NDUFAF5: variants seen among roughly 807,000 people sequenced by gnomAD.
NDUFAF5 encodes the protein NADH:ubiquinone oxidoreductase complex assembly factor 5.
NDUFAF5 carries 34 observed loss-of-function variants against 48.9 expected under a neutral mutation model. The ratio of observed to expected loss-of-function variants is 0.70; its 90% CI spans 0.53 to 0.93. The LOEUF (loss-of-function observed/expected upper bound fraction) is 0.93, where lower values mean the gene tolerates loss of function less well. Among genes scored for constraint, NDUFAF5 ranks in the 40% least tolerant of loss-of-function variants. NDUFAF5 has a pLI of 0.00. For missense variants in NDUFAF5, 428 were observed against 427.5 expected, an observed-to-expected ratio of 1.00 and a Z score of -0.01; for synonymous variants, 153 against 150.6, an observed-to-expected ratio of 1.02 and a Z score of -0.12.
chr20:13,802,470 A>AC (rs1416436920), intron 7 of NDUFAF5, among the ~76,000 whole-genome samples: 1 of 152,054 alleles, frequency 6.6e-6, no homozygotes, highest in African/African-American at 2.4e-5. Flanking sequence ...GGAGTTTGAA[A>AC]CCAACTTGGC....
At chr20:13,794,981 G>C in intron 5 of NDUFAF5, 40 bp downstream of exon 5, 1 of 1,371,492 alleles carries the variant, frequency 7.3e-7, no homozygotes, top group South Asian at 1.2e-5. Context: ...GTTATAAACA[G>C]ATCATTCTTG....
At chr20:13,805,281 T>C (rs8123439) in intron 7 of NDUFAF5, among the ~76,000 whole-genome samples, 6,019 of 152,186 alleles carry the variant, frequency 0.04, 184 homozygotes, top group African/African-American at 0.081. Context: ...ACGAAAAAAA[T>C]GGGATTTCTG....
intron 9 of NDUFAF5, 36 bp from the exon 10 acceptor site, chr20:13,816,839 C>G (rs151070257): frequency 6.8e-7 from 1 of 1,465,826 alleles, no homozygotes; most frequent in African/African-American, 1.4e-5. Context: ...TTCCTACTTG[C>G]ATTTTTTCAG....
intron 5 of NDUFAF5, among the ~76,000 whole-genome samples, chr20:13,795,915 T>C (rs530295338): frequency 6.6e-6 from 1 of 152,342 alleles, no homozygotes; most frequent in African/African-American, 2.4e-5. Flanking sequence ...TACACAAACA[T>C]GTAATGCAAG....
intron 3 of NDUFAF5, among the ~76,000 whole-genome samples, chr20:13,791,130 G>A (rs575110789): frequency 1.2e-4 from 18 of 152,282 alleles, no homozygotes; most frequent in African/African-American, 3.8e-4. Context: ...CAAGGAGCAC[G>A]GGATCATTCC....
chr20:13,792,136 TGAGAGACAGGGATA>T (rs1982382163), intron 3 of NDUFAF5, among the ~76,000 whole-genome samples: 1 of 152,204 alleles, frequency 6.6e-6, no homozygotes, highest in African/African-American at 2.4e-5. Flanking sequence ...AATTTTCAAG[TGAGAGACAGGGATA>T]GATAATCCTG....
intron 5 of NDUFAF5, among the ~76,000 whole-genome samples, chr20:13,796,157 A>G (rs1202805275): frequency 6.6e-6 from 1 of 152,204 alleles, no homozygotes; most frequent in East Asian, 1.9e-4. Flanking sequence ...CCAGTCATCA[A>G]GGTGTGCCCA....
At position 13,794,494 on chromosome 20, in the gene NDUFAF5, G is replaced by C. The variant is rs1982857062; in HGVS notation, c.376-344G>C. On this transcript the variant is annotated intron_variant, in intron 4 of 10. Transcript: ENST00000378106. ...GTGGTTTCACCATGTTGGCCAGGCT[G>C]GTCTCGAACTCCTGACTTTCAGTGA... 2.0e-5 allele frequency among the ~76,000 whole-genome samples: 3 copies of C among 152,270 alleles called. No homozygotes were observed. In the South Asian group the frequency reaches 6.2e-4, roughly 32 times the overall value.
intron 3 of NDUFAF5, among the ~76,000 whole-genome samples, chr20:13,789,353 T>G (rs1981836264): frequency 6.6e-6 from 1 of 152,040 alleles, no homozygotes; most frequent in South Asian, 2.1e-4. Flanking sequence ...TTGGTAGAGA[T>G]GGGGTTTCAC....
intron 3 of NDUFAF5, among the ~76,000 whole-genome samples, chr20:13,789,780 A>G (rs1282799185): frequency 6.6e-6 from 1 of 152,158 alleles, no homozygotes; most frequent in East Asian, 1.9e-4. Context: ...CCAGCCTCAT[A>G]AAGTGGAATT....
intron 3 of NDUFAF5, 160 bp from the exon 4 acceptor site, chr20:13,793,020 A>G: frequency 1.4e-6 from 1 of 728,920 alleles, no homozygotes; most frequent in Non-Finnish European, 2.4e-6. Context: ...AGCAAAGGAT[A>G]TGTGTTATTA....
Position 13,816,875 on chromosome 20 carries a change from A to G in NDUFAF5, c.863A>G (p.Glu288Gly). 1 of 1,600,792 alleles carries G rather than the reference A, an allele frequency of 6.2e-7. No homozygotes were observed. The highest frequency in any genetic ancestry group is 1.1e-5 in the South Asian group (1 of 90,784). ...TMLAAAAVYR[E>G]MYRNEDGSVP... is the part of the protein sequence containing the mutation. ...ACTTTAACCATTATTGTCTTTTTAGAAATGTACAGAAATGAAGATGGTTCA... is the reference window on the plus strand; with the variant it reads ...ACTTTAACCATTATTGTCTTTTTAGGAATGTACAGAAATGAAGATGGTTCA... Residue 288 changes from glutamate (E) to glycine (G), a missense_variant and splice_region_variant, in exon 10 of 11, where the codon GAA becomes GGA. By Grantham distance (98) the Glu-to-Gly change is moderately conservative. Coordinates refer to ENST00000378106, the MANE Select transcript of NDUFAF5 (RefSeq NM_024120.5).
chr20:13,789,432 T>C (rs1056736117), intron 3 of NDUFAF5, among the ~76,000 whole-genome samples: 1 of 151,936 alleles, frequency 6.6e-6, no homozygotes, highest in Non-Finnish European at 1.5e-5. Flanking sequence ...CCCAAAGCGC[T>C]GGGATGACAG....
chr20:13,801,173 A>T (rs961906300), intron 6 of NDUFAF5, among the ~76,000 whole-genome samples: 2 of 151,540 alleles, frequency 1.3e-5, no homozygotes, highest in Non-Finnish European at 2.9e-5. Context: ...CCCCAATTAA[A>T]TTTTTTTTTC....
chr20:13,807,622 C>G (rs1364715607), intron 7 of NDUFAF5, among the ~76,000 whole-genome samples: 1 of 151,616 alleles, frequency 6.6e-6, no homozygotes, highest in Admixed American at 6.6e-5. Context: ...TTAACCAGTC[C>G]TCTATTAATG....
chr20:13,802,209 A>T (rs1052058416), intron 7 of NDUFAF5, among the ~76,000 whole-genome samples: 1 of 152,218 alleles, frequency 6.6e-6, no homozygotes, highest in Non-Finnish European at 1.5e-5. Context: ...AAGAAGACCC[A>T]TGGGCAATCA....
intron 9 of NDUFAF5, 34 bp from the exon 10 acceptor site, chr20:13,816,841 T>G (rs776504197): frequency 6.7e-7 from 1 of 1,501,532 alleles, no homozygotes; most frequent in Non-Finnish European, 9.3e-7. Flanking sequence ...CCTACTTGCA[T>G]TTTTTCAGAC....
chr20:13,793,024 G>A, intron 3 of NDUFAF5, 156 bp from the exon 4 acceptor site: 1 of 746,960 alleles, frequency 1.3e-6, no homozygotes, highest in Non-Finnish European at 2.3e-6. Flanking sequence ...AAGGATATGT[G>A]TTATTAAAAG....
intron 5 of NDUFAF5, among the ~76,000 whole-genome samples, chr20:13,796,453 T>C (rs1983231502): frequency 6.6e-6 from 1 of 152,150 alleles, no homozygotes; most frequent in Non-Finnish European, 1.5e-5. Context: ...ATGATAGAGT[T>C]TATAGTATGA....
Sources: gnomAD v4.1 joint callset for allele counts (sites outside exome capture counted in the v4.1 genomes callset) on GRCh38, gnomAD v4.1.1 for gene constraint, MANE v1.5 for transcripts, NCBI Gene and HGNC (gene_info 2026-07-23, HGNC 2026-07-21) for gene names.